The following KIF13A variants were observed in gnomAD, a reference collection of about 807,000 sequenced individuals.
KIF13A encodes the protein kinesin family member 13A, also known as kinesin-like protein KIF13A.
Under a neutral mutation model 212.2 loss-of-function variants are expected in KIF13A, and 79 were observed. The ratio of observed to expected loss-of-function variants is 0.37; its 90% CI spans 0.31 to 0.45. The LOEUF (loss-of-function observed/expected upper bound fraction) is 0.45, where lower values mean the gene tolerates loss of function less well. Among genes scored for constraint, KIF13A ranks in the 20% least tolerant of loss-of-function variants. KIF13A has a pLI of 1.00. For synonymous variants in KIF13A, 789 were observed against 808.6 expected (o/e 0.98, Z 0.41); for missense variants, 1,901 against 2,209.0 (o/e 0.86, Z 2.79).
intron 4 of KIF13A, among the ~76,000 whole-genome samples, chr6:17,869,020 A>AC (rs1769738974): frequency 8.1e-6 from 1 of 124,040 alleles, no homozygotes; most frequent in African/African-American, 2.9e-5. Context: ...AAAAAAAAAA[A>AC]CACAAATAAA....
Position 17,778,147 on chromosome 6 carries a change from T to C in KIF13A, c.4093-793A>G, listed in dbSNP as rs149423040. Among the ~76,000 whole-genome samples the C allele has an allele frequency of 4.3e-4, 65 of 152,068 alleles. 1 individual carries two copies. The East Asian group carries it at 0.012, about 27-fold the overall frequency. On this transcript the variant is annotated intron_variant, in intron 33 of 38. Coordinates refer to ENST00000259711, the MANE Select transcript of KIF13A (RefSeq NM_022113.6). ...AGCAAGACTCTGTCTCAAAAATAAATAAACAAATAAATAAATAAAACCAGG... is the reference window on the plus strand; with the variant it reads ...AGCAAGACTCTGTCTCAAAAATAAACAAACAAATAAATAAATAAAACCAGG...
chr6:17,762,071 T>C (rs191071538), downstream of KIF13A, among the ~76,000 whole-genome samples: 2 of 152,214 alleles, frequency 1.3e-5, no homozygotes, highest in African/African-American at 2.4e-5. Context: ...AATTTTAATT[T>C]TTAAAATTAT....
At chr6:17,924,291 T>C (rs1182151086) in intron 2 of KIF13A, among the ~76,000 whole-genome samples, 1 of 152,202 alleles carries the variant, frequency 6.6e-6, no homozygotes, top group African/African-American at 2.4e-5. Flanking sequence ...ATTACAATAC[T>C]AGTTAGAGCT....
At chr6:17,880,543 A>T (rs556150060) in intron 3 of KIF13A, among the ~76,000 whole-genome samples, 1 of 147,850 alleles carries the variant, frequency 6.8e-6, no homozygotes, top group East Asian at 2.0e-4. Context: ...TAGGAGAATC[A>T]TTTGAACCCA....
chr6:17,914,416 A>G lies in KIF13A; in HGVS notation c.147-16236T>C, dbSNP rs1774325072. On this transcript the variant is annotated intron_variant, in intron 2 of 38. Coordinates refer to ENST00000259711, the MANE Select transcript of KIF13A (RefSeq NM_022113.6). The surrounding 1 kb of genome is among the most constrained non-coding windows in gnomAD (Gnocchi z 5.9). ...AAATTACAATAAAATACAAAACTTG[A>G]GATGAATATGAGTACATCCACAATA... Among the ~76,000 whole-genome samples the G allele has an allele frequency of 6.6e-6, 1 of 152,230 alleles. No homozygotes were observed. Among genetic ancestry groups the G allele is most frequent in the African/African-American group, 2.4e-5 (1 of 41,460 alleles).
At chr6:17,846,251 C>T (rs564742406) in intron 9 of KIF13A, among the ~76,000 whole-genome samples, 6 of 151,808 alleles carry the variant, frequency 4.0e-5, no homozygotes, top group Middle Eastern at 3.4e-3. Flanking sequence ...CCACTGCACC[C>T]GGCCAAGGCA....
rs200546188 is a variant in KIF13A at position 17,825,912 on chromosome 6, G to T, written c.1642C>A (p.Arg548Ser). 6.2e-7 allele frequency: 1 copy of T among 1,613,922 alleles called. No individual in the cohort carries two copies. Among genetic ancestry groups the T allele is most frequent in the South Asian group, 1.1e-5 (1 of 91,072 alleles). Residue 548 changes from arginine to serine, a missense_variant, in exon 16 of 39, where the codon CGT becomes AGT. Coordinates refer to ENST00000259711, the MANE Select transcript of KIF13A (RefSeq NM_022113.6). This position sits in a 1 kb window ranked among gnomAD's most constrained non-coding sequence, Gnocchi z 4.5. Reference protein sequence around the residue: ...FFRINLPKRKRRDWLKDFEKE... With the variant: ...FFRINLPKRKSRDWLKDFEKE... The stretch of plus-strand genomic sequence containing the variant: ...TCAAAGTCTTTCAACCAATCTCGAC[G>T]TTTCCTCTTAGGTAAGTTTATTCTG...
At chr6:17,815,180 C>G (rs1763812228) in intron 17 of KIF13A, among the ~76,000 whole-genome samples, 1 of 152,226 alleles carries the variant, frequency 6.6e-6, no homozygotes, top group African/African-American at 2.4e-5. Flanking sequence ...CTATGTATTT[C>G]AAAGACTTTA....
chr6:17,873,500 T>A, intron 3 of KIF13A, 63 bp from the exon 4 acceptor site: 1 of 1,158,126 alleles, frequency 8.6e-7, no homozygotes, highest in Non-Finnish European at 1.3e-6. Flanking sequence ...TAAATCAGAC[T>A]AAAATAAATC....
intron 2 of KIF13A, among the ~76,000 whole-genome samples, chr6:17,957,536 T>C (rs1778441889): frequency 6.6e-6 from 1 of 152,210 alleles, no homozygotes; most frequent in South Asian, 2.1e-4. Flanking sequence ...GAAGGGGTCC[T>C]GGAAACCCCA....
intron 4 of KIF13A, among the ~76,000 whole-genome samples, chr6:17,870,773 TC>T (rs112024527): frequency 0.054 from 8,191 of 151,686 alleles, 555 homozygotes; most frequent in African/African-American, 0.16. Context: ...GCAGCTGGGT[TC>T]CCCCCCGCCA....
chr6:17,875,172 G>C (rs1298263099), intron 3 of KIF13A, among the ~76,000 whole-genome samples: 3 of 152,072 alleles, frequency 2.0e-5, no homozygotes, highest in Admixed American at 6.6e-5. Context: ...ATACCCAGGA[G>C]TGGGATTGTT....
In KIF13A at chr6:17,915,965, T is replaced by TA. The variant is rs139734932; in HGVS notation, c.147-17786dup. ...AAAAAAAATAAAAATAAAAATAAAA[T>TA]AAAATAAAATAAATTACAGTTCAAA... On this transcript the variant is annotated intron_variant, in intron 2 of 38. Coordinates refer to ENST00000259711, the MANE Select transcript of KIF13A (RefSeq NM_022113.6). This position sits in a 1 kb window ranked among gnomAD's most constrained non-coding sequence, Gnocchi z 4.4. Among the ~76,000 whole-genome samples, 4 of 125,534 alleles carry TA rather than the reference T, an allele frequency of 3.2e-5. No individual in the cohort carries two copies. The highest frequency in any genetic ancestry group is 1.4e-4 in the African/African-American group (4 of 28,068). The allele number at this position is 125,534 out of a possible 152,430, so 82.4% of individuals were successfully genotyped here. A position where few individuals can be genotyped will look rare whatever the true frequency, so the allele number is the denominator to read the frequency against.
At chr6:17,910,426 T>C (rs1337729852) in intron 2 of KIF13A, among the ~76,000 whole-genome samples, 1 of 152,218 alleles carries the variant, frequency 6.6e-6, no homozygotes, top group African/African-American at 2.4e-5. Context: ...TCAGTTTCCT[T>C]TCCCAAAACA....
rs1924464 is a variant in KIF13A, at chr6:17,871,353, C to T, written c.220+2024G>A. Reference sequence around the variant, plus strand: ...AAAATCTGGTGCCTTTTCTCTTTCTCTTTAAAATCTGGTGCCTTTCCAGAT... The same window carrying T: ...AAAATCTGGTGCCTTTTCTCTTTCTTTTTAAAATCTGGTGCCTTTCCAGAT... On this transcript the variant is annotated intron_variant, in intron 4 of 38. Transcript: ENST00000259711. This position sits in a 1 kb window ranked among gnomAD's most constrained non-coding sequence, Gnocchi z 4.4. Among the ~76,000 whole-genome samples, 1,079 of 152,206 alleles carry T rather than the reference C, an allele frequency of 7.1e-3. 10 individuals carry two copies. The highest frequency in any genetic ancestry group is 0.023 in the African/African-American group (953 of 41,500).
chr6:17,984,677 C>G lies in KIF13A; in HGVS notation c.146+2377G>C, dbSNP rs908390136. ...TCACCCACTAACCTTCAATTTCTATCCATGGCTAATTCATTGGTAATTTCT... is the reference window on the plus strand; with the variant it reads ...TCACCCACTAACCTTCAATTTCTATGCATGGCTAATTCATTGGTAATTTCT... On this transcript the variant is annotated intron_variant, in intron 2 of 38. Coordinates refer to ENST00000259711, the MANE Select transcript of KIF13A (RefSeq NM_022113.6). The surrounding 1 kb of genome is among the most constrained non-coding windows in gnomAD (Gnocchi z 5.0). The G allele has an allele frequency of 6.8e-6, 2 of 295,990 alleles. No individual in the cohort carries two copies. The highest frequency in any genetic ancestry group is 4.6e-5 in the African/African-American group (2 of 43,932). 18.3% of individuals were successfully genotyped at this position (295,990 alleles called of 1,614,324 possible). A position where few individuals can be genotyped will look rare whatever the true frequency, so the allele number is the denominator to read the frequency against.
chr6:17,956,410 C>T (rs1778359902), intron 2 of KIF13A, among the ~76,000 whole-genome samples: 1 of 152,192 alleles, frequency 6.6e-6, no homozygotes. Context: ...TTGTGGTCCT[C>T]CCTGATTAGC....
In KIF13A at chr6:17,961,142, G is replaced by A. The variant is rs1177450114; in HGVS notation, c.146+25912C>T. 1.3e-5 allele frequency among the ~76,000 whole-genome samples: 2 copies of A among 152,180 alleles called. No homozygotes were observed. ...AGACGTATGCTGAAACATCCAAAAG[G>A]AACCAATGAATGTGAGTTTGCAGAG... is the stretch of plus-strand genomic sequence containing the variant. On this transcript the variant is annotated intron_variant, in intron 2 of 38. Coordinates refer to ENST00000259711, the MANE Select transcript of KIF13A (RefSeq NM_022113.6). The surrounding 1 kb of genome is among the most constrained non-coding windows in gnomAD (Gnocchi z 4.1).
chr6:17,916,869 T>C (rs1358517269), intron 2 of KIF13A, among the ~76,000 whole-genome samples: 1 of 152,180 alleles, frequency 6.6e-6, no homozygotes, highest in Non-Finnish European at 1.5e-5. Context: ...GTAACAGTAG[T>C]GTAGTACTGC....
Sources: allele counts gnomAD v4.1 joint callset (sites outside exome capture counted in the v4.1 genomes callset), GRCh38; gene constraint gnomAD v4.1.1; non-coding constraint Gnocchi (gnomAD v3.1); transcripts MANE v1.5; gene names NCBI Gene and HGNC (gene_info 2026-07-23, HGNC 2026-07-21).